TRIM62: variants seen among roughly 807,000 people sequenced by gnomAD.
TRIM62 encodes E3 ubiquitin-protein ligase TRIM62.
A neutral mutation model predicts 44.2 loss-of-function variants in TRIM62; 39 were observed. The observed-to-expected ratio is 0.88, with a 90% CI of 0.68 to 1.15. The LOEUF (loss-of-function observed/expected upper bound fraction) is 1.15. Ranked by LOEUF, TRIM62 falls within the 50% of genes most tolerant of loss-of-function variation. The pLI, the probability that TRIM62 is intolerant of heterozygous loss-of-function variation, is 0.00. For missense variants in TRIM62, 544 were observed against 665.5 expected, an observed-to-expected ratio of 0.82 and a Z score of 2.01; for synonymous variants, 278 against 292.3, an observed-to-expected ratio of 0.95 and a Z score of 0.50.
chr1:33,156,364 A>G (rs574950141), intron 4 of TRIM62, among the ~76,000 whole-genome samples: 75 of 152,260 alleles, frequency 4.9e-4, no homozygotes, highest in African/African-American at 1.8e-3. Flanking sequence ...ACCAGCTCTC[A>G]TCAAGGCCAC....
At chr1:33,160,406 T>C (rs1340251335) in intron 2 of TRIM62, among the ~76,000 whole-genome samples, 1 of 151,292 alleles carries the variant, frequency 6.6e-6, no homozygotes. Flanking sequence ...TTTGCTTTTA[T>C]TATTATTAGT....
At chr1:33,160,427 G>T (rs191234533) in intron 2 of TRIM62, among the ~76,000 whole-genome samples, 20 of 152,070 alleles carry the variant, frequency 1.3e-4, no homozygotes, top group Non-Finnish European at 2.5e-4. Context: ...TTTTTGAGAT[G>T]GAGTTTTGCT....
intron 1 of TRIM62, among the ~76,000 whole-genome samples, chr1:33,168,680 G>A (rs1358747670): frequency 2.0e-5 from 3 of 152,222 alleles, no homozygotes; most frequent in Admixed American, 6.5e-5. Context: ...CAGCTTGAGC[G>A]GATACAGTCC....
At chr1:33,148,525 G>A (rs186250573) in intron 4 of TRIM62, among the ~76,000 whole-genome samples, 1 of 152,280 alleles carries the variant, frequency 6.6e-6, no homozygotes, top group African/African-American at 2.4e-5. Flanking sequence ...AGGCAGGATG[G>A]TGTTTTACCT....
At chr1:33,163,618 G>A (rs1266956919) in intron 2 of TRIM62, 1 of 152,142 alleles carries the variant, frequency 6.6e-6, no homozygotes, top group Non-Finnish European at 1.5e-5. Context: ...CACATCCCTT[G>A]GAACACCCTA....
chr1:33,176,753 A>G (rs1366511201), intron 1 of TRIM62, among the ~76,000 whole-genome samples: 1 of 152,196 alleles, frequency 6.6e-6, no homozygotes, highest in Non-Finnish European at 1.5e-5. Flanking sequence ...TGGCCCTGCC[A>G]TTTACCAGCT....
chr1:33,157,105 G>A (rs4481817), intron 4 of TRIM62, among the ~76,000 whole-genome samples: 28,346 of 151,836 alleles, frequency 0.19, 3,137 homozygotes, highest in South Asian at 0.3. Context: ...GTCACTTCAT[G>A]GCTCCAAGCC....
Position 33,145,817 on chromosome 1 carries a change from A to C in TRIM62, c.*1360T>G. 1 of 469,160 alleles carries C rather than the reference A, an allele frequency of 2.1e-6. No homozygotes were observed. The highest frequency in any genetic ancestry group is 4.4e-6 in the Non-Finnish European group (1 of 226,110). The allele number at this position is 469,160 out of a possible 1,614,324, so 29.1% of individuals were successfully genotyped here. On this transcript the variant is annotated 3_prime_UTR_variant, in exon 5 of 5. Transcript: ENST00000291416. ...TCTTCACGATTGGATGCTGTGGCAG[A>C]AAAACGCAGGTGGGGCTTGCTCCAC... is the stretch of plus-strand genomic sequence containing the variant.
intron 4 of TRIM62, among the ~76,000 whole-genome samples, chr1:33,149,311 C>T (rs1645064092): frequency 6.6e-6 from 1 of 152,140 alleles, no homozygotes. Context: ...CGCCACCACG[C>T]CTGGCTAATT....
intron 1 of TRIM62, among the ~76,000 whole-genome samples, chr1:33,172,551 G>A (rs1645382635): frequency 6.6e-6 from 1 of 152,166 alleles, no homozygotes; most frequent in Non-Finnish European, 1.5e-5. Context: ...ATCGGAGCGG[G>A]GGTGGGCCGG....
chr1:33,147,633 T>C lies in TRIM62; in HGVS notation c.972A>G (p.Pro324=), dbSNP rs765661621. 6.2e-7 allele frequency: 1 copy of C among 1,613,552 alleles called. No individual in the cohort carries two copies. The highest frequency in any genetic ancestry group is 8.5e-7 in the Non-Finnish European group (1 of 1,180,014). Residue 324 remains proline, a synonymous_variant, in exon 5 of 5, where the codon CCA becomes CCG. Transcript: ENST00000291416. The surrounding 1 kb of genome is among the most constrained non-coding windows in gnomAD (Gnocchi z 8.1). The stretch of plus-strand genomic sequence containing the variant: ...GCTTTGGCGAGTCCTGCAGTGGCTG[T>C]GGGTGCAAGTTGCCGTAAGCCACAA... ...CTIVAYGNLH[P]QPLQDSPKRF... is the part of the protein sequence containing the mutation.
chr1:33,161,199 A>G lies in TRIM62; in HGVS notation c.505-1255T>C, dbSNP rs1447705632. ...CTGGTTATTGAAGACTGCAATTCTA[A>G]TAAGCGTTTCCCGGAAGTCTTCATT... is the stretch of plus-strand genomic sequence containing the variant. On this transcript the variant is annotated intron_variant, in intron 2 of 4. Coordinates refer to ENST00000291416, the MANE Select transcript of TRIM62 (RefSeq NM_018207.3). The surrounding 1 kb of genome is among the most constrained non-coding windows in gnomAD (Gnocchi z 4.3). Among the ~76,000 whole-genome samples, 2 of 152,254 alleles carry G rather than the reference A, an allele frequency of 1.3e-5. No individual in the cohort carries two copies. The highest frequency in any genetic ancestry group is 2.9e-5 in the Non-Finnish European group (2 of 68,042).
Position 33,177,111 on chromosome 1 carries a change from ACATG to A in TRIM62, c.408+3910_408+3913del, listed in dbSNP as rs374133304. On this transcript the variant is annotated intron_variant, in intron 1 of 4. Transcript: ENST00000291416. This position sits in a 1 kb window ranked among gnomAD's most constrained non-coding sequence, Gnocchi z 4.1. ...CACAAATGCACACACATGCACACAC[ACATG>A]CATGTACGCATGCACACACACGCAC... Among the ~76,000 whole-genome samples the A allele has an allele frequency of 4.0e-3, 609 of 151,756 alleles. 2 individuals are homozygous for A. Among genetic ancestry groups the A allele is most frequent in the African/African-American group, 0.014 (594 of 41,430 alleles).
rs776982024 is a variant in TRIM62 at position 33,181,073 on chromosome 1, G to C, written c.360C>G (p.His120Gln). The C allele has an allele frequency of 1.2e-6, 2 of 1,600,160 alleles. No homozygotes were observed. The highest frequency in any genetic ancestry group is 2.2e-5 in the East Asian group (1 of 44,770). Residue 120 changes from histidine to glutamine, a missense_variant, in exon 1 of 5, where the codon CAC (histidine) becomes CAG (glutamine). Physicochemically the swap from His to Gln is conservative, Grantham distance 24 (BLOSUM62 0). Transcript: ENST00000291416. The surrounding 1 kb of genome is among the most constrained non-coding windows in gnomAD (Gnocchi z 6.5). ...LCFFCDEPAL[H>Q]EQHQVTGIDD... Reference sequence around the variant, plus strand: ...CGATGCCGGTGACCTGATGCTGCTCGTGCAGTGCAGGCTCGTCGCAGAAGA... The same window carrying C: ...CGATGCCGGTGACCTGATGCTGCTCCTGCAGTGCAGGCTCGTCGCAGAAGA...
intron 2 of TRIM62, chr1:33,163,305 C>G (rs980556441): frequency 1.3e-5 from 2 of 152,164 alleles, no homozygotes; most frequent in African/African-American, 4.8e-5. Flanking sequence ...TCCCAAAGTG[C>G]TAGGATTACA....
Position 33,146,556 on chromosome 1 carries a change from C to T in TRIM62, c.*621G>A, listed in dbSNP as rs1424437874. 1 of 160,004 alleles carries T rather than the reference C, an allele frequency of 6.2e-6. No homozygotes were observed. The highest frequency in any genetic ancestry group is 1.4e-5 in the Non-Finnish European group (1 of 72,262). 9.9% of individuals were successfully genotyped at this position (160,004 alleles called of 1,614,324 possible). A position where few individuals can be genotyped will look rare whatever the true frequency, so the allele number is the denominator to read the frequency against. ...GGCACATGACTATAATGTGTGGACTCAACTACCAGGTGCCTTCCACAGGCC... is the reference window on the plus strand; with the variant it reads ...GGCACATGACTATAATGTGTGGACTTAACTACCAGGTGCCTTCCACAGGCC... On this transcript the variant is annotated 3_prime_UTR_variant, in exon 5 of 5. Coordinates refer to ENST00000291416, the MANE Select transcript of TRIM62 (RefSeq NM_018207.3).
intron 1 of TRIM62, among the ~76,000 whole-genome samples, chr1:33,176,967 C>G (rs1053591658): frequency 6.6e-6 from 1 of 152,140 alleles, no homozygotes; most frequent in Non-Finnish European, 1.5e-5. Context: ...GGGCTCCTTC[C>G]CTCCACTTTG....
Position 33,174,945 on chromosome 1 carries a change from G to GTATATA in TRIM62, c.408+6074_408+6079dup, listed in dbSNP as rs72310095. ...CACACACACACATACATATATGTGT[G>GTATATA]TATATATATATATATATATATATAC... On this transcript the variant is annotated intron_variant, in intron 1 of 4. Coordinates refer to ENST00000291416, the MANE Select transcript of TRIM62 (RefSeq NM_018207.3). 3.0e-4 allele frequency among the ~76,000 whole-genome samples: 43 copies of GTATATA among 141,750 alleles called. No homozygotes were observed. The East Asian group carries it at 4.8e-3, about 16-fold the overall frequency. The allele number at this position is 141,750 out of a possible 152,430, so 93.0% of individuals were successfully genotyped here. A position where few individuals can be genotyped will look rare whatever the true frequency, so the allele number is the denominator to read the frequency against.
Position 33,147,096 on chromosome 1 carries a change from G to A in TRIM62, c.*81C>T, listed in dbSNP as rs1645029691. On this transcript the variant is annotated 3_prime_UTR_variant, in exon 5 of 5. Transcript: ENST00000291416. The surrounding 1 kb of genome is among the most constrained non-coding windows in gnomAD (Gnocchi z 8.1). Reference sequence around the variant, plus strand: ...GGTCTCCAGTGGCCACGGTGGGCTGGAGTCCAGGTCTTCTATCTCCTGGGC... The same window carrying A: ...GGTCTCCAGTGGCCACGGTGGGCTGAAGTCCAGGTCTTCTATCTCCTGGGC... 6 of 1,497,642 alleles carry A rather than the reference G, an allele frequency of 4.0e-6. No homozygotes were observed. The South Asian group carries it at 7.7e-5, about 19-fold the overall frequency. The allele number at this position is 1,497,642 out of a possible 1,614,324, so 92.8% of individuals were successfully genotyped here.
Sources: allele counts gnomAD v4.1 joint callset (sites outside exome capture counted in the v4.1 genomes callset), GRCh38; gene constraint gnomAD v4.1.1; non-coding constraint Gnocchi (gnomAD v3.1); transcripts MANE v1.5; gene names NCBI Gene and HGNC (gene_info 2026-07-23, HGNC 2026-07-21).